Variants in USP13 observed in about 807,000 individuals in gnomAD.
USP13 encodes ubiquitin carboxyl-terminal hydrolase 13.
Under a neutral mutation model 107.8 loss-of-function variants are expected in USP13, and 68 were observed. That is an observed-to-expected ratio of 0.63 (90% CI 0.52 to 0.77). The LOEUF (loss-of-function observed/expected upper bound fraction) is 0.77. Among genes scored for constraint, USP13 ranks in the 30% least tolerant of loss-of-function variants. The pLI is 0.00. For missense variants in USP13, 945 were observed against 1,093.3 expected (o/e 0.86, Z 1.91); for synonymous variants, 377 against 389.5 (o/e 0.97, Z 0.38).
chr3:179,704,010 T>C, intron 4 of USP13, among the ~76,000 whole-genome samples: 1 of 152,154 alleles, frequency 6.6e-6, no homozygotes, highest in African/African-American at 2.4e-5. Context: ...TACAAAGGCA[T>C]GGGATGGAGC....
chr3:179,754,210 A>C (rs1714707884), intron 14 of USP13, among the ~76,000 whole-genome samples: 1 of 151,598 alleles, frequency 6.6e-6, no homozygotes, highest in Non-Finnish European at 1.5e-5. Flanking sequence ...CATAAGACTC[A>C]GAGTAGCACA....
chr3:179,687,988 T>C (rs999602363), intron 2 of USP13, among the ~76,000 whole-genome samples: 4 of 152,198 alleles, frequency 2.6e-5, no homozygotes, highest in Non-Finnish European at 4.4e-5. Flanking sequence ...ACTGTGATTT[T>C]ATGCTTTTGT....
rs534850714 is a variant in USP13, at chr3:179,673,915, G to C, written c.169-7963G>C. Reference sequence around the variant, plus strand: ...CTTTCTTTCGTTTTTTTCTTGAGACGGAGTTTCGCTCTTGTTGCCCAGGCT... The same window carrying C: ...CTTTCTTTCGTTTTTTTCTTGAGACCGAGTTTCGCTCTTGTTGCCCAGGCT... On this transcript the variant is annotated intron_variant, in intron 1 of 20. Transcript: ENST00000263966. Among the ~76,000 whole-genome samples, 7 of 152,172 alleles carry C rather than the reference G, an allele frequency of 4.6e-5. No individual in the cohort carries two copies. The East Asian group carries it at 1.2e-3, about 25-fold the overall frequency.
At chr3:179,696,450 C>T (rs1479878284) in intron 3 of USP13, among the ~76,000 whole-genome samples, 1 of 150,716 alleles carries the variant, frequency 6.6e-6, no homozygotes, top group East Asian at 2.0e-4. Context: ...CCTGCATTAG[C>T]CTCCTGAGTA....
At chr3:179,766,274 G>T (rs1348638327) in intron 19 of USP13, among the ~76,000 whole-genome samples, 1 of 152,068 alleles carries the variant, frequency 6.6e-6, no homozygotes. Flanking sequence ...CACCATGCCT[G>T]GCCAGATCCC....
At chr3:179,776,878 T>TC (rs1338447346) in intron 19 of USP13, among the ~76,000 whole-genome samples, 7 of 148,580 alleles carry the variant, frequency 4.7e-5, no homozygotes, top group Non-Finnish European at 8.9e-5. Context: ...TTTTTTTTTT[T>TC]TTTTTGGGAG....
intron 6 of USP13, among the ~76,000 whole-genome samples, chr3:179,714,758 T>C (rs1713047644): frequency 6.6e-6 from 1 of 152,212 alleles, no homozygotes; most frequent in South Asian, 2.1e-4. Context: ...TTGGCTCCTC[T>C]GATTTACCTT....
At chr3:179,744,095 G>A (rs1222302671) in intron 12 of USP13, among the ~76,000 whole-genome samples, 1 of 152,098 alleles carries the variant, frequency 6.6e-6, no homozygotes, top group Non-Finnish European at 1.5e-5. Flanking sequence ...TAGCACAGAG[G>A]CCTTCTGGGT....
chr3:179,680,351 T>C (rs909074781), intron 1 of USP13, among the ~76,000 whole-genome samples: 101 of 152,324 alleles, frequency 6.6e-4, no homozygotes, highest in African/African-American at 2.4e-3. Flanking sequence ...GCACTAGAAG[T>C]GTTTCAGATT....
At chr3:179,741,767 C>T (rs1168948304) in intron 11 of USP13, among the ~76,000 whole-genome samples, 1 of 152,236 alleles carries the variant, frequency 6.6e-6, no homozygotes, top group Non-Finnish European at 1.5e-5. Context: ...ATGTTTGCCA[C>T]ATCATCACAT....
rs1361767873 is a variant in USP13, at chr3:179,653,426, G to A, written c.168+33G>A. 1 of 1,538,434 alleles carries A rather than the reference G, an allele frequency of 6.5e-7. No homozygotes were observed. The highest frequency in any genetic ancestry group is 2.5e-5 in the East Asian group (1 of 40,230). On this transcript the variant is annotated intron_variant, in intron 1 of 20. Coordinates refer to ENST00000263966, the MANE Select transcript of USP13 (RefSeq NM_003940.3). This position sits in a 1 kb window ranked among gnomAD's most constrained non-coding sequence, Gnocchi z 4.0. ...AGGCGCCTCGGGGGAGGGTCGCGGG[G>A]CCGGCGGCCTGCGGCACGTGAAGCC...
At chr3:179,723,964 G>A (rs995078634) in intron 8 of USP13, among the ~76,000 whole-genome samples, 9 of 151,230 alleles carry the variant, frequency 6.0e-5, no homozygotes, top group African/African-American at 2.2e-4. Flanking sequence ...GCCAGCCTAA[G>A]CAGCAAAGTT....
Position 179,732,364 on chromosome 3 carries a change from G to A in USP13, c.1254+1655G>A, listed in dbSNP as rs114025770. ...TGTGTTATGATTGGATTGGTTCTGC[G>A]TTCTCAAACAGGCGGTGTCACTTCT... On this transcript the variant is annotated intron_variant, in intron 10 of 20. Transcript: ENST00000263966. 1.2e-3 allele frequency among the ~76,000 whole-genome samples: 176 copies of A among 152,320 alleles called. 1 individual carries two copies. Among genetic ancestry groups the A allele is most frequent in the African/African-American group, 4.1e-3 (169 of 41,570 alleles).
chr3:179,739,257 T>TC (rs1461999353), intron 10 of USP13, among the ~76,000 whole-genome samples: 1 of 152,180 alleles, frequency 6.6e-6, no homozygotes, highest in African/African-American at 2.4e-5. Context: ...CCCCACGAAA[T>TC]CCAGCATCCT....
chr3:179,679,253 TAAAC>T (rs750748146), intron 1 of USP13, among the ~76,000 whole-genome samples: 13 of 152,286 alleles, frequency 8.5e-5, no homozygotes, highest in South Asian at 2.1e-4. Context: ...AAATAAATTT[TAAAC>T]AAACAAATTT....
chr3:179,690,412 T>C, intron 3 of USP13, 111 bp downstream of exon 3: 1 of 975,894 alleles, frequency 1.0e-6, no homozygotes, highest in Non-Finnish European at 1.5e-6. Context: ...CTGTACAATT[T>C]AAGGATGAGA....
chr3:179,655,700 G>A (rs542855178), intron 1 of USP13, among the ~76,000 whole-genome samples: 3 of 151,934 alleles, frequency 2.0e-5, no homozygotes, highest in East Asian at 1.9e-4. Flanking sequence ...GATTACAGGC[G>A]TGTGCCACCA....
At chr3:179,700,952 T>C (rs1042503892) in intron 3 of USP13, 56 bp from the exon 4 acceptor site, 3 of 1,561,472 alleles carry the variant, frequency 1.9e-6, no homozygotes, top group Non-Finnish European at 2.6e-6. Flanking sequence ...AGTGCTGCCA[T>C]AGTGTGGGAT....
At chr3:179,727,163 G>GTTTTTTTT (rs528617941) in intron 8 of USP13, among the ~76,000 whole-genome samples, 3 of 114,354 alleles carry the variant, frequency 2.6e-5, no homozygotes, top group African/African-American at 6.4e-5. Context: ...AATTTTTAAT[G>GTTTTTTTT]TTTTTTTTTT....
Sources: allele counts gnomAD v4.1 joint callset (sites outside exome capture counted in the v4.1 genomes callset), GRCh38; gene constraint gnomAD v4.1.1; non-coding constraint Gnocchi (gnomAD v3.1); transcripts MANE v1.5; gene names NCBI Gene and HGNC (gene_info 2026-07-23, HGNC 2026-07-21).